The following TAFA1 variants were observed in gnomAD, a reference collection of about 807,000 sequenced individuals.
TAFA1 encodes the protein chemokine-like protein TAFA-1.
A neutral mutation model predicts 18.5 loss-of-function variants in TAFA1; 4 were observed. The ratio of observed to expected loss-of-function variants is 0.22; its 90% CI spans 0.11 to 0.49. The LOEUF is 0.49. Among genes scored for constraint, TAFA1 ranks in the 20% least tolerant of loss-of-function variants. The probability of loss-of-function intolerance (pLI) is 0.98; values close to 1 mark genes in which losing one functional copy is unlikely to be tolerated. For missense variants in TAFA1, 147 were observed against 169.0 expected, an observed-to-expected ratio of 0.87 and a Z score of 0.72; for synonymous variants, 56 against 55.2, an observed-to-expected ratio of 1.01 and a Z score of -0.06.
intron 2 of TAFA1, among the ~76,000 whole-genome samples, chr3:68,071,703 G>A (rs4132326): frequency 0.038 from 5,833 of 152,094 alleles, 157 homozygotes; most frequent in East Asian, 0.1. Flanking sequence ...AATTTTTAAC[G>A]AAAAAAGATT....
In TAFA1 at chr3:68,321,137, G is replaced by A. The variant is rs4362720; in HGVS notation, c.119-96143G>A. On this transcript the variant is annotated intron_variant, in intron 2 of 4. Coordinates refer to ENST00000478136, the MANE Select transcript of TAFA1 (RefSeq NM_213609.4). ...CTTTACTTGAGTATCTTTTTCTCTC[G>A]AATAGGGGATAAATATGGCCTGCTT... 1.8e-4 allele frequency among the ~76,000 whole-genome samples: 28 copies of A among 152,192 alleles called. 1 individual carries two copies. In the South Asian group the frequency reaches 4.8e-3, roughly 26 times the overall value.
intron 2 of TAFA1, among the ~76,000 whole-genome samples, chr3:68,211,336 A>G (rs574291725): frequency 6.7e-4 from 102 of 152,062 alleles, no homozygotes; most frequent in Non-Finnish European, 1.1e-3. Context: ...GCTATTCTCA[A>G]CTATTAAATC....
intron 2 of TAFA1, among the ~76,000 whole-genome samples, chr3:68,148,443 C>G (rs1220107809): frequency 6.6e-6 from 1 of 152,190 alleles, no homozygotes; most frequent in African/African-American, 2.4e-5. Flanking sequence ...TTTAAATTTA[C>G]TATACATTTT....
At position 68,206,744 on chromosome 3, in the gene TAFA1, T is replaced by C. The variant is rs546119944; in HGVS notation, c.118+200000T>C. Among the ~76,000 whole-genome samples the C allele has an allele frequency of 1.1e-4, 16 of 152,078 alleles. No homozygotes were observed. In the East Asian group the frequency reaches 2.1e-3, roughly 20 times the overall value. On this transcript the variant is annotated intron_variant, in intron 2 of 4. Coordinates refer to ENST00000478136, the MANE Select transcript of TAFA1 (RefSeq NM_213609.4). The stretch of plus-strand genomic sequence containing the variant: ...CTGATTCACATTCTATCATCTTAAT[T>C]ACCTTAAGCCCAAGATAACTTTTTT...
At chr3:68,026,783 G>A (rs949155996) in intron 2 of TAFA1, among the ~76,000 whole-genome samples, 13 of 152,150 alleles carry the variant, frequency 8.5e-5, no homozygotes, top group African/African-American at 3.1e-4. Context: ...CTGAAAAAGA[G>A]TACACAGTTA....
At chr3:68,405,017 T>A (rs890627352) in intron 2 of TAFA1, among the ~76,000 whole-genome samples, 2 of 152,126 alleles carry the variant, frequency 1.3e-5, no homozygotes, top group African/African-American at 4.8e-5. Flanking sequence ...AAAATTCCAA[T>A]GGCATTTTCT....
intron 2 of TAFA1, among the ~76,000 whole-genome samples, chr3:68,299,786 G>T (rs1287261028): frequency 6.6e-6 from 1 of 152,176 alleles, no homozygotes; most frequent in Non-Finnish European, 1.5e-5. Flanking sequence ...GGCTAAAAGG[G>T]GCCAATATAC....
intron 2 of TAFA1, among the ~76,000 whole-genome samples, chr3:68,136,752 G>A (rs2065613232): frequency 6.6e-6 from 1 of 152,094 alleles, no homozygotes; most frequent in African/African-American, 2.4e-5. Context: ...TACTTCCATG[G>A]ATATGGGTCA....
intron 2 of TAFA1, among the ~76,000 whole-genome samples, chr3:68,105,891 A>C (rs562889620): frequency 1.3e-5 from 2 of 152,242 alleles, no homozygotes; most frequent in South Asian, 4.1e-4. Flanking sequence ...TCCCTTAAAG[A>C]CTTGTGGACA....
intron 2 of TAFA1, among the ~76,000 whole-genome samples, chr3:68,242,157 A>T (rs1047513326): frequency 6.6e-6 from 1 of 152,110 alleles, no homozygotes. Context: ...TGTTGAAATG[A>T]ATGAGCTTAG....
At chr3:68,304,559 G>T (rs1348776647) in intron 2 of TAFA1, among the ~76,000 whole-genome samples, 1 of 152,080 alleles carries the variant, frequency 6.6e-6, no homozygotes, top group Admixed American at 6.6e-5. Flanking sequence ...CCTGGAAGTT[G>T]TACTAATAAG....
chr3:68,230,101 G>T (rs1242865125), intron 2 of TAFA1, among the ~76,000 whole-genome samples: 4 of 152,052 alleles, frequency 2.6e-5, no homozygotes, highest in South Asian at 2.1e-4. Flanking sequence ...AAACATTTTT[G>T]ATTTCTTTGT....
At chr3:68,060,774 A>G (rs2064592712) in intron 2 of TAFA1, among the ~76,000 whole-genome samples, 1 of 152,190 alleles carries the variant, frequency 6.6e-6, no homozygotes, top group African/African-American at 2.4e-5. Flanking sequence ...GGCTTGAGAA[A>G]GGCTGTATAA....
chr3:68,208,591 G>T (rs909967718), intron 2 of TAFA1, among the ~76,000 whole-genome samples: 2 of 151,944 alleles, frequency 1.3e-5, no homozygotes, highest in Non-Finnish European at 2.9e-5. Context: ...ACCAAACTCA[G>T]ATCCAGCAAG....
chr3:68,439,412 C>CATACATACATATATAT (rs1264523262), intron 3 of TAFA1, among the ~76,000 whole-genome samples: 15 of 73,432 alleles, frequency 2.0e-4, no homozygotes, highest in African/African-American at 1.0e-3. Context: ...TATATACATA[C>CATACATACATATATAT]ATATATATAT....
intron 2 of TAFA1, among the ~76,000 whole-genome samples, chr3:68,281,926 C>T (rs1386449480): frequency 3.3e-5 from 5 of 152,072 alleles, no homozygotes; most frequent in Non-Finnish European, 7.4e-5. Context: ...AAAGACTTAC[C>T]TGAGACTGGG....
intron 3 of TAFA1, among the ~76,000 whole-genome samples, chr3:68,538,226 G>T (rs1255726921): frequency 2.0e-5 from 3 of 152,130 alleles, no homozygotes; most frequent in East Asian, 3.8e-4. Context: ...AATTGGAAAA[G>T]TTACAAATCT....
intron 2 of TAFA1, among the ~76,000 whole-genome samples, chr3:68,394,750 A>C (rs906560906): frequency 6.6e-6 from 1 of 152,214 alleles, no homozygotes; most frequent in East Asian, 1.9e-4. Context: ...AGCCATATGC[A>C]GAAAACTGAA....
chr3:68,022,718 T>C (rs74997555), intron 2 of TAFA1, among the ~76,000 whole-genome samples: 2,826 of 150,868 alleles, frequency 0.019, 112 homozygotes, highest in African/African-American at 0.066. Context: ...CATGAATTAA[T>C]GCTTGTAAAT....
Sources: allele counts gnomAD v4.1 joint callset (sites outside exome capture counted in the v4.1 genomes callset), GRCh38; gene constraint gnomAD v4.1.1; transcripts MANE v1.5; gene names NCBI Gene and HGNC (gene_info 2026-07-23, HGNC 2026-07-21).